EMC8: variants seen among roughly 807,000 people sequenced by gnomAD.
The protein encoded by EMC8 is COX4 neighbor.
EMC8 carries 11 observed loss-of-function variants against 24.3 expected under a neutral mutation model. The ratio of observed to expected loss-of-function variants is 0.45; its 90% CI spans 0.28 to 0.75. The LOEUF (loss-of-function observed/expected upper bound fraction) is 0.75. EMC8 is among the 30% of genes least tolerant of loss of function. The pLI, the probability that EMC8 is intolerant of heterozygous loss-of-function variation, is 0.12. For missense variants in EMC8, 277 were observed against 282.7 expected, an observed-to-expected ratio of 0.98 and a Z score of 0.14; for synonymous variants, 145 against 117.7, an observed-to-expected ratio of 1.23 and a Z score of -1.50.
chr16:85,788,920 T>A (rs1904878201), intron 2 of EMC8, 54 bp downstream of exon 2: 1 of 1,266,664 alleles, frequency 7.9e-7, no homozygotes, highest in African/African-American at 1.5e-5. Flanking sequence ...AGAGACGGGG[T>A]CTGCCCAACA....
intron 1 of EMC8, among the ~76,000 whole-genome samples, chr16:85,789,798 CAAA>C (rs879349757): frequency 2.0e-5 from 2 of 101,224 alleles, no homozygotes; most frequent in African/African-American, 3.7e-5. Context: ...GTCTCCGTCT[CAAA>C]AAAAAAAAAA....
intron 1 of EMC8, among the ~76,000 whole-genome samples, chr16:85,796,816 T>C (rs1459432193): frequency 6.6e-6 from 1 of 152,222 alleles, no homozygotes; most frequent in African/African-American, 2.4e-5. Context: ...ACTGCCCTGA[T>C]TGCCCAAGCC....
intron 2 of EMC8, among the ~76,000 whole-genome samples, chr16:85,786,729 T>C (rs1017573099): frequency 6.6e-6 from 1 of 152,040 alleles, no homozygotes; most frequent in African/African-American, 2.4e-5. Context: ...TAGGTGAGGA[T>C]AGGGAGGACA....
intron 1 of EMC8, among the ~76,000 whole-genome samples, chr16:85,791,991 C>G (rs760699440): frequency 6.6e-6 from 1 of 152,186 alleles, no homozygotes; most frequent in Non-Finnish European, 1.5e-5. Flanking sequence ...ACAACATTTT[C>G]TAGGAAAAAC....
chr16:85,794,714 G>C (rs552280953), intron 1 of EMC8, among the ~76,000 whole-genome samples: 1 of 152,252 alleles, frequency 6.6e-6, no homozygotes, highest in African/African-American at 2.4e-5. Flanking sequence ...AATAACTATT[G>C]CCTGGCAAAA....
chr16:85,791,485 C>A (rs1905010420), intron 1 of EMC8, among the ~76,000 whole-genome samples: 1 of 152,212 alleles, frequency 6.6e-6, no homozygotes, highest in Non-Finnish European at 1.5e-5. Flanking sequence ...CCGGCTCTGA[C>A]AGGCGCTGGT....
chr16:85,779,551 G>A lies in EMC8; in HGVS notation c.*157C>T. 5 of 689,586 alleles carry A rather than the reference G, an allele frequency of 7.3e-6. No individual in the cohort carries two copies. Among genetic ancestry groups the A allele is most frequent in the East Asian group, 5.5e-5 (2 of 36,070 alleles). 42.7% of individuals were successfully genotyped at this position (689,586 alleles called of 1,614,324 possible). A position where few individuals can be genotyped will look rare whatever the true frequency, so the allele number is the denominator to read the frequency against. On this transcript the variant is annotated 3_prime_UTR_variant, in exon 5 of 5. Transcript: ENST00000253457. The stretch of plus-strand genomic sequence containing the variant: ...TCTAGAGACTCTGTGTTAAAAACAC[G>A]ACCGACTGAACATTCTGCCCCCTTT...
chr16:85,793,223 C>A (rs1031728300), intron 1 of EMC8, among the ~76,000 whole-genome samples: 7 of 152,214 alleles, frequency 4.6e-5, no homozygotes, highest in African/African-American at 1.7e-4. Context: ...CCCCCACGCC[C>A]CTTGTGACTG....
chr16:85,785,289 G>C (rs1202585193), intron 2 of EMC8, among the ~76,000 whole-genome samples: 2 of 152,156 alleles, frequency 1.3e-5, no homozygotes, highest in Non-Finnish European at 2.9e-5. Context: ...TTTGTAGTTG[G>C]CCGGGTGTGG....
intron 1 of EMC8, among the ~76,000 whole-genome samples, chr16:85,795,769 C>T (rs958244523): frequency 1.3e-5 from 2 of 152,104 alleles, no homozygotes; most frequent in Non-Finnish European, 1.5e-5. Flanking sequence ...TAATCAAATC[C>T]AAACAGGAAG....
At chr16:85,794,987 C>T (rs1905190621) in intron 1 of EMC8, among the ~76,000 whole-genome samples, 1 of 152,170 alleles carries the variant, frequency 6.6e-6, no homozygotes, top group Non-Finnish European at 1.5e-5. Context: ...GGAGGCAGCC[C>T]TGCTCCCCCG....
chr16:85,797,943 A>C (rs1056449500), intron 1 of EMC8, among the ~76,000 whole-genome samples: 1 of 152,082 alleles, frequency 6.6e-6, no homozygotes, highest in Non-Finnish European at 1.5e-5. Flanking sequence ...TTTTCCCTTC[A>C]TTGATCACCG....
At chr16:85,781,126 C>A (rs1358452840) in intron 3 of EMC8, 85 bp downstream of exon 3, 17 of 938,092 alleles carry the variant, frequency 1.8e-5, no homozygotes, top group Middle Eastern at 2.5e-4. Context: ...AAGGGGTTAG[C>A]GGAAAGGAAA....
In EMC8 at chr16:85,780,354, G is replaced by A. The variant is rs371820818; in HGVS notation, c.473+25C>T. On this transcript the variant is annotated intron_variant, in intron 4 of 4. Coordinates refer to ENST00000253457, the MANE Select transcript of EMC8 (RefSeq NM_006067.5). ...GCCGGGCGCTGAAGGAGCCCAGCCC[G>A]CGCGGCAGCATGGGGCGCACTCACT... The A allele has an allele frequency of 8.8e-6, 14 of 1,586,626 alleles. No individual in the cohort carries two copies. In the South Asian group the frequency reaches 8.8e-5, roughly 10 times the overall value.
At chr16:85,798,792 G>T in intron 1 of EMC8, 1 of 417,734 alleles carries the variant, frequency 2.4e-6, no homozygotes, top group Non-Finnish European at 4.3e-6. Context: ...TTTCTACAAA[G>T]GCTACTGATT....
At chr16:85,779,951 T>G in intron 4 of EMC8, 84 bp from the exon 5 acceptor site, 1 of 1,121,070 alleles carries the variant, frequency 8.9e-7, no homozygotes, top group Non-Finnish European at 1.3e-6. Context: ...GCCAGCCACA[T>G]GCACAGTGGT....
chr16:85,781,086 C>A (rs1184918151), intron 3 of EMC8, 125 bp downstream of exon 3: 5 of 669,752 alleles, frequency 7.5e-6, no homozygotes, highest in Non-Finnish European at 8.0e-6. Flanking sequence ...CTGCAAGAGG[C>A]GGCAATGGTC....
intron 2 of EMC8, among the ~76,000 whole-genome samples, chr16:85,783,741 C>T (rs147283083): frequency 1.3e-3 from 195 of 152,296 alleles, no homozygotes; most frequent in African/African-American, 4.5e-3. Flanking sequence ...CACACTGTCC[C>T]GTCTGGCCCT....
chr16:85,789,112 A>G, intron 1 of EMC8, 62 bp from the exon 2 acceptor site: 1 of 1,075,780 alleles, frequency 9.3e-7, no homozygotes, highest in Non-Finnish European at 1.4e-6. Flanking sequence ...CAAGTCGTAA[A>G]AACCACAGAT....
Sources: allele counts gnomAD v4.1 joint callset (sites outside exome capture counted in the v4.1 genomes callset), GRCh38; gene constraint gnomAD v4.1.1; transcripts MANE v1.5; gene names NCBI Gene and HGNC (gene_info 2026-07-23, HGNC 2026-07-21).